Variants in TENM2 observed in about 807,000 individuals in gnomAD.
TENM2 encodes teneurin transmembrane protein 2, also known as teneurin-2.
TENM2 carries 52 observed loss-of-function variants against 245.2 expected under a neutral mutation model. The ratio of observed to expected loss-of-function variants is 0.21; its 90% confidence interval spans 0.17 to 0.27. TENM2 has a LOEUF of 0.27. TENM2 is among the 10% of genes least tolerant of loss of function. The probability of loss-of-function intolerance (pLI) is 1.00; values close to 1 mark genes in which losing one functional copy is unlikely to be tolerated. For missense variants in TENM2, 3,046 were observed against 3,666.8 expected (o/e 0.83, Z 4.37); for synonymous variants, 1,363 against 1,438.9 (o/e 0.95, Z 1.19).
intron 2 of TENM2, among the ~76,000 whole-genome samples, chr5:167,605,534 G>A (rs1776971970): frequency 6.6e-6 from 1 of 152,090 alleles, no homozygotes; most frequent in Non-Finnish European, 1.5e-5. Flanking sequence ...AGTCACTGCT[G>A]CTGAGCATAG....
intron 13 of TENM2, among the ~76,000 whole-genome samples, chr5:168,172,029 G>A (rs1319214131): frequency 6.6e-6 from 1 of 152,214 alleles, no homozygotes; most frequent in Non-Finnish European, 1.5e-5. Flanking sequence ...CCCAAGTCCA[G>A]ACCAGTGGTT....
At position 168,247,332 on chromosome 5, in the gene TENM2, G is replaced by A. The variant is rs1766675889; in HGVS notation, c.6393G>A (p.Lys2131=). ...CTGGCAAGGTGGAACACTTTGGTAA[G>A]TTTGGAGTCATCTATTATGACATCA... is the stretch of plus-strand genomic sequence containing the variant. Residue 2131 remains lysine, a synonymous_variant, in exon 27 of 29, where the codon AAG becomes AAA. Coordinates refer to ENST00000518659, the Ensembl canonical transcript of TENM2. This position sits in a 1 kb window ranked among gnomAD's most constrained non-coding sequence, Gnocchi z 7.8. 1 of 1,613,866 alleles carries A rather than the reference G, an allele frequency of 6.2e-7. No individual in the cohort carries two copies. Among genetic ancestry groups the A allele is most frequent in the Non-Finnish European group, 8.5e-7 (1 of 1,179,906 alleles).
At chr5:167,176,610 G>A in the TENM2 span, among the ~76,000 whole-genome samples, 1 of 152,194 alleles carries the variant, frequency 6.6e-6, no homozygotes, top group African/African-American at 2.4e-5. Flanking sequence ...CATGCTGTCT[G>A]ACTTTCATAT....
chr5:167,007,400 T>A, the TENM2 span, among the ~76,000 whole-genome samples: 1 of 152,218 alleles, frequency 6.6e-6, no homozygotes, highest in Non-Finnish European at 1.5e-5. The surrounding 1 kb of genome is among the most constrained non-coding windows in gnomAD (Gnocchi z 4.2). Flanking sequence ...GCATATTTAA[T>A]CTTTTGCCTT....
chr5:166,997,220 C>T, the TENM2 span, among the ~76,000 whole-genome samples: 14 of 152,156 alleles, frequency 9.2e-5, no homozygotes, highest in Non-Finnish European at 1.3e-4. Context: ...TAAACCGCTT[C>T]AATATGAGGT....
chr5:168,052,349 C>A (rs991918931), intron 6 of TENM2, among the ~76,000 whole-genome samples: 1 of 151,440 alleles, frequency 6.6e-6, no homozygotes, highest in Non-Finnish European at 1.5e-5. Flanking sequence ...TGAGATCATG[C>A]CACTGCACTC....
At chr5:168,206,804 A>G (rs540846531) in intron 19 of TENM2, among the ~76,000 whole-genome samples, 2 of 152,198 alleles carry the variant, frequency 1.3e-5, no homozygotes, top group African/African-American at 4.8e-5. Context: ...GTGCTTTGCC[A>G]TTGCCTATAG....
chr5:167,582,755 T>C (rs1025378389), intron 2 of TENM2, among the ~76,000 whole-genome samples: 5 of 152,176 alleles, frequency 3.3e-5, no homozygotes, highest in African/African-American at 4.8e-5. Flanking sequence ...AGAAGCTTTT[T>C]TGAGGATTTT....
At chr5:167,570,359 G>A (rs1391163153) in intron 2 of TENM2, among the ~76,000 whole-genome samples, 1 of 47,270 alleles carries the variant, frequency 2.1e-5, no homozygotes, top group African/African-American at 5.8e-5. Flanking sequence ...ATGTCATTCA[G>A]AGTGGCATTT....
chr5:167,200,482 C>A, the TENM2 span, among the ~76,000 whole-genome samples: 1 of 151,936 alleles, frequency 6.6e-6, no homozygotes, highest in Non-Finnish European at 1.5e-5. Flanking sequence ...TGGTGGGAAA[C>A]TTTTCTGGGG....
At chr5:167,852,401 A>G (rs1187109176) in intron 2 of TENM2, among the ~76,000 whole-genome samples, 1 of 152,254 alleles carries the variant, frequency 6.6e-6, no homozygotes, top group Admixed American at 6.5e-5. Flanking sequence ...AACAGCTTTT[A>G]TAAAATGATG....
intron 2 of TENM2, among the ~76,000 whole-genome samples, chr5:167,833,146 CATTT>C (rs1561833620): frequency 6.6e-6 from 1 of 152,108 alleles, no homozygotes; most frequent in Non-Finnish European, 1.5e-5. Flanking sequence ...TTATTTTATA[CATTT>C]ATTTATTATT....
exon 29 of TENM2, chr5:168,262,667 G>A (rs1485593691): frequency 1.2e-6 from 2 of 1,608,508 alleles, no homozygotes; most frequent in African/African-American, 1.3e-5. Flanking sequence ...GTGGACTGAG[G>A]GCGAGAAGCA....
chr5:167,533,613 C>T (rs936479418), intron 2 of TENM2, among the ~76,000 whole-genome samples: 9 of 152,034 alleles, frequency 5.9e-5, no homozygotes, highest in Non-Finnish European at 1.0e-4. Flanking sequence ...TGCATCACCA[C>T]GCTTGGCTAA....
At chr5:167,593,052 T>C (rs73381002) in intron 2 of TENM2, among the ~76,000 whole-genome samples, 1 of 152,212 alleles carries the variant, frequency 6.6e-6, no homozygotes, top group African/African-American at 2.4e-5. Flanking sequence ...AGAAACTCTG[T>C]GATTCATTTA....
At chr5:167,996,309 T>C (rs1784044115) in intron 5 of TENM2, among the ~76,000 whole-genome samples, 1 of 152,128 alleles carries the variant, frequency 6.6e-6, no homozygotes, top group Non-Finnish European at 1.5e-5. Flanking sequence ...AGAACTTTTA[T>C]GATCTGCTCC....
At chr5:168,114,554 G>C (rs1017098911) in intron 9 of TENM2, among the ~76,000 whole-genome samples, 1 of 152,184 alleles carries the variant, frequency 6.6e-6, no homozygotes, top group African/African-American at 2.4e-5. Flanking sequence ...GAATGAATCA[G>C]TTGCCCCAGA....
At chr5:167,997,410 C>A (rs191899555) in intron 5 of TENM2, among the ~76,000 whole-genome samples, 1 of 152,326 alleles carries the variant, frequency 6.6e-6, no homozygotes, top group African/African-American at 2.4e-5. Context: ...CATCTTCTAA[C>A]GCAGTGGATA....
At chr5:167,948,034 A>G (rs985902937) in intron 3 of TENM2, among the ~76,000 whole-genome samples, 2 of 152,172 alleles carry the variant, frequency 1.3e-5, no homozygotes, top group African/African-American at 4.8e-5. Context: ...CCAGCTGTTT[A>G]TTTAGGCAGA....
Sources: gnomAD v4.1 joint callset for allele counts (sites outside exome capture counted in the v4.1 genomes callset) on GRCh38, gnomAD v4.1.1 for gene constraint, Gnocchi (gnomAD v3.1) non-coding constraint, MANE v1.5 for transcripts, NCBI Gene and HGNC (gene_info 2026-07-23, HGNC 2026-07-21) for gene names.